The following PTPRD variants were observed in gnomAD, a reference collection of about 807,000 sequenced individuals.
The protein encoded by PTPRD is receptor-type tyrosine-protein phosphatase delta.
Under a neutral mutation model 214.5 loss-of-function variants are expected in PTPRD, and 34 were observed. The ratio of observed to expected loss-of-function variants is 0.16; its 90% CI spans 0.12 to 0.21. The LOEUF (loss-of-function observed/expected upper bound fraction) is 0.21, where lower values mean the gene tolerates loss of function less well. Among genes scored for constraint, PTPRD ranks in the 10% least tolerant of loss-of-function variants. PTPRD has a pLI of 1.00. For missense variants in PTPRD, 2,545 were observed against 2,398.7 expected (o/e 1.06, Z -1.27); for synonymous variants, 1,128 against 845.7 (o/e 1.33, Z -5.79).
rs921620066 is a variant in PTPRD at position 9,506,083 on chromosome 9, T to C, written c.-237+68649A>G. On this transcript the variant is annotated intron_variant, in intron 8 of 45. Transcript: ENST00000381196. ...AATAAACTCAACATTCAAATGTCTT[T>C]AAGTGATGGAAAACCAGGCTAAAAA... 2.0e-5 allele frequency among the ~76,000 whole-genome samples: 3 copies of C among 151,674 alleles called. No homozygotes were observed. The East Asian group carries it at 5.8e-4, about 29-fold the overall frequency.
At chr9:10,458,392 T>C (rs191340416) in intron 2 of PTPRD, among the ~76,000 whole-genome samples, 68 of 152,290 alleles carry the variant, frequency 4.5e-4, no homozygotes, top group Non-Finnish European at 8.4e-4. Context: ...TTTTAACATA[T>C]GCAAATCAAC....
chr9:9,785,412 T>G (rs1188737220), intron 5 of PTPRD, among the ~76,000 whole-genome samples: 1 of 152,062 alleles, frequency 6.6e-6, no homozygotes, highest in African/African-American at 2.4e-5. Flanking sequence ...GTATATATCA[T>G]TATCATGTAC....
chr9:10,391,705 C>G (rs530390777), intron 2 of PTPRD, among the ~76,000 whole-genome samples: 1 of 151,742 alleles, frequency 6.6e-6, no homozygotes, highest in Non-Finnish European at 1.5e-5. Flanking sequence ...AAAGTTCTGT[C>G]ACCATTTAAC....
At chr9:9,138,738 T>G (rs1247194267) in intron 10 of PTPRD, among the ~76,000 whole-genome samples, 1 of 152,180 alleles carries the variant, frequency 6.6e-6, no homozygotes, top group Admixed American at 6.5e-5. Flanking sequence ...AACTAAACAG[T>G]TCTGTATTTT....
chr9:10,560,355 C>T (rs943138292), intron 2 of PTPRD, among the ~76,000 whole-genome samples: 1 of 148,154 alleles, frequency 6.7e-6, no homozygotes, highest in East Asian at 2.0e-4. Context: ...GGGAATTGAA[C>T]AATGATAACA....
chr9:8,695,893 G>C (rs1301513771), intron 12 of PTPRD, among the ~76,000 whole-genome samples: 1 of 152,176 alleles, frequency 6.6e-6, no homozygotes, highest in African/African-American at 2.4e-5. Context: ...ACAATCATTT[G>C]CTTTCTCTCT....
intron 2 of PTPRD, among the ~76,000 whole-genome samples, chr9:10,584,415 A>G (rs765723565): frequency 1.4e-4 from 21 of 152,178 alleles, no homozygotes; most frequent in Admixed American, 3.3e-4. Context: ...AAGAATTTGC[A>G]GTAGCCTCTA....
chr9:10,252,009 G>C (rs749121536), intron 3 of PTPRD, among the ~76,000 whole-genome samples: 11 of 152,118 alleles, frequency 7.2e-5, no homozygotes, highest in African/African-American at 9.7e-5. Context: ...AAAATAGTAA[G>C]TGTGTGAATT....
At chr9:9,778,474 G>A (rs2098816872) in intron 5 of PTPRD, among the ~76,000 whole-genome samples, 1 of 152,122 alleles carries the variant, frequency 6.6e-6, no homozygotes, top group Non-Finnish European at 1.5e-5. Context: ...CCCATCCCCG[G>A]GAACTCCCCG....
intron 7 of PTPRD, among the ~76,000 whole-genome samples, chr9:9,609,677 G>A (rs543396101): frequency 2.0e-5 from 3 of 152,260 alleles, no homozygotes; most frequent in South Asian, 4.1e-4. Flanking sequence ...TGGCCAGGCT[G>A]GTCTGGATCT....
intron 2 of PTPRD, among the ~76,000 whole-genome samples, chr9:10,579,956 G>A (rs1055822281): frequency 1.3e-4 from 20 of 151,948 alleles, no homozygotes; most frequent in Non-Finnish European, 1.2e-4. Flanking sequence ...CAATGGGGTT[G>A]TTTTTTGCGT....
intron 4 of PTPRD, among the ~76,000 whole-genome samples, chr9:9,982,968 A>G (rs1246583875): frequency 6.6e-6 from 1 of 152,104 alleles, no homozygotes; most frequent in Non-Finnish European, 1.5e-5. Flanking sequence ...TGTGGCGGAA[A>G]TCTGGAATAC....
rs186810185 is a variant in PTPRD at position 8,787,028 on chromosome 9, G to T, written c.-103-53082C>A. On this transcript the variant is annotated intron_variant, in intron 11 of 45. Coordinates refer to ENST00000381196, the MANE Select transcript of PTPRD (RefSeq NM_002839.4). ...ATATTTTCTTTTTTTTGTAGACAGG[G>T]TCTCACGATGTTGCCTAGTCTGGTC... Among the ~76,000 whole-genome samples, 926 of 152,112 alleles carry T rather than the reference G, an allele frequency of 6.1e-3. 4 individuals carry two copies. The highest frequency in any genetic ancestry group is 6.8e-3 in the Non-Finnish European group (463 of 67,996).
intron 2 of PTPRD, among the ~76,000 whole-genome samples, chr9:10,573,921 T>C (rs1023697039): frequency 1.3e-5 from 2 of 152,098 alleles, no homozygotes; most frequent in Non-Finnish European, 2.9e-5. Context: ...TCTGCACATG[T>C]ACCTTAAAAC....
rs550100530 is a variant in PTPRD, at chr9:9,934,729, G to C, written c.-368+3778C>G. On this transcript the variant is annotated intron_variant, in intron 5 of 45. Transcript: ENST00000381196. ...GAATCCTCCCTAACTCATTTTATGAGGCCAGCATCATTTTAATACCAAAGC... is the reference window on the plus strand; with the variant it reads ...GAATCCTCCCTAACTCATTTTATGACGCCAGCATCATTTTAATACCAAAGC... Among the ~76,000 whole-genome samples, 90 of 151,686 alleles carry C rather than the reference G, an allele frequency of 5.9e-4. 1 individual carries two copies. Among genetic ancestry groups the C allele is most frequent in the African/African-American group, 2.1e-3 (88 of 41,124 alleles).
intron 3 of PTPRD, among the ~76,000 whole-genome samples, chr9:10,340,002 C>T (rs2096909602): frequency 6.6e-6 from 1 of 151,574 alleles, no homozygotes; most frequent in South Asian, 2.1e-4. Context: ...TATTTATTTC[C>T]ACCTTCAGGT....
At chr9:8,496,715 A>G (rs1187891143) in intron 26 of PTPRD, among the ~76,000 whole-genome samples, 2 of 152,222 alleles carry the variant, frequency 1.3e-5, no homozygotes, top group South Asian at 2.1e-4. Context: ...ATTTATGAGC[A>G]TTATGAGCAG....
At chr9:9,878,403 G>C (rs2067553793) in intron 5 of PTPRD, among the ~76,000 whole-genome samples, 1 of 152,244 alleles carries the variant, frequency 6.6e-6, no homozygotes, top group South Asian at 2.1e-4. Flanking sequence ...GAATTATAGG[G>C]ACAGCATACT....
intron 2 of PTPRD, among the ~76,000 whole-genome samples, chr9:10,363,495 G>A (rs1017029175): frequency 2.0e-5 from 3 of 152,208 alleles, no homozygotes; most frequent in Admixed American, 1.3e-4. Flanking sequence ...CACATGTGAT[G>A]TTAAATTCTT....
Sources: gnomAD v4.1 joint callset for allele counts (sites outside exome capture counted in the v4.1 genomes callset) on GRCh38, gnomAD v4.1.1 for gene constraint, MANE v1.5 for transcripts, NCBI Gene and HGNC (gene_info 2026-07-23, HGNC 2026-07-21) for gene names.